The following SPA17 variants were observed in gnomAD, a reference collection of about 807,000 sequenced individuals.
The protein encoded by SPA17 is sperm autoantigenic protein 17, also known as sperm surface protein Sp17.
A neutral mutation model predicts 13.8 loss-of-function variants in SPA17; 7 were observed. The ratio of observed to expected loss-of-function variants is 0.51; its 90% confidence interval spans 0.29 to 0.95. The LOEUF is 0.95. Among genes scored for constraint, SPA17 ranks in the 40% least tolerant of loss-of-function variants. SPA17 has a pLI of 0.08. For missense variants in SPA17, 170 were observed against 179.3 expected, an observed-to-expected ratio of 0.95 and a Z score of 0.30; for synonymous variants, 61 against 59.0, an observed-to-expected ratio of 1.03 and a Z score of -0.16.
At chr11:124,686,784 G>A (rs988154347) in intron 3 of SPA17, among the ~76,000 whole-genome samples, 2 of 152,062 alleles carry the variant, frequency 1.3e-5, no homozygotes, top group East Asian at 1.9e-4. Flanking sequence ...AAAACCTATG[G>A]TATACAGAAA....
chr11:124,688,027 A>C (rs978996178), intron 3 of SPA17, among the ~76,000 whole-genome samples: 24 of 152,132 alleles, frequency 1.6e-4, no homozygotes, highest in Non-Finnish European at 3.2e-4. Context: ...ATGTATATAT[A>C]TTCAGGGATG....
Position 124,694,414 on chromosome 11 carries a change from C to T in SPA17, c.424C>T (p.Leu142Phe). 1.2e-6 allele frequency: 2 copies of T among 1,612,934 alleles called. No individual in the cohort carries two copies. The highest frequency in any genetic ancestry group is 8.5e-7 in the Non-Finnish European group (1 of 1,179,668). Residue 142 changes from leucine to phenylalanine, a missense_variant, in exon 5 of 5, where the codon CTT becomes TTT. Coordinates refer to ENST00000227135, the MANE Select transcript of SPA17 (RefSeq NM_017425.4). ...EEAKKMKTNSLQNEEKEENK is the reference protein window; with the variant it reads ...EEAKKMKTNSFQNEEKEENK ...GGCAAAGAAAATGAAAACAAATAGT[C>T]TTCAAAATGAGGAAAAAGAGGAAAA...
chr11:124,679,021 A>G (rs1252580290), intron 2 of SPA17, among the ~76,000 whole-genome samples: 4 of 151,982 alleles, frequency 2.6e-5, no homozygotes, highest in African/African-American at 9.7e-5. Flanking sequence ...TAAAATTGTT[A>G]AGCTACTCGG....
intron 1 of SPA17, chr11:124,674,401 C>T (rs1225468352): frequency 6.6e-6 from 1 of 152,222 alleles, no homozygotes; most frequent in Non-Finnish European, 1.5e-5. Context: ...TAGTCTGAGC[C>T]TCATTAAACC....
At chr11:124,675,149 G>T (rs1168583965) in intron 1 of SPA17, 89 bp from the exon 2 acceptor site, 6 of 1,287,472 alleles carry the variant, frequency 4.7e-6, no homozygotes, top group African/African-American at 1.5e-5. Context: ...CCAGATGTAT[G>T]AGTCTCAGAA....
chr11:124,676,716 G>C (rs1485855269), intron 2 of SPA17, among the ~76,000 whole-genome samples: 2 of 152,182 alleles, frequency 1.3e-5, no homozygotes, highest in Non-Finnish European at 2.9e-5. Context: ...GAAATCATTT[G>C]GCAATAGACT....
In SPA17 at chr11:124,673,917, A is replaced by C; in HGVS notation, c.-63A>C. ...CGGTTACCCAGCAACTAGAAAAACA[A>C]CCGGAACCGGCGGCACCAGCTCGGA... On this transcript the variant is annotated 5_prime_UTR_variant, in exon 1 of 5. Transcript: ENST00000227135. 1 of 591,316 alleles carries C rather than the reference A, an allele frequency of 1.7e-6. No homozygotes were observed. Among genetic ancestry groups the C allele is most frequent in the Non-Finnish European group, 3.0e-6 (1 of 336,094 alleles). The allele number at this position is 591,316 out of a possible 1,614,324, so 36.6% of individuals were successfully genotyped here.
Position 124,694,710 on chromosome 11 carries a change from G to A in SPA17, c.*264G>A, listed in dbSNP as rs1052910050. Reference sequence around the variant, plus strand: ...TTGGATTTAGAATTATAGAACTAAAGTATCTGAGATTACAGAGATCTCAGA... The same window carrying A: ...TTGGATTTAGAATTATAGAACTAAAATATCTGAGATTACAGAGATCTCAGA... On this transcript the variant is annotated 3_prime_UTR_variant, in exon 5 of 5. Transcript: ENST00000227135. 9.7e-6 allele frequency: 3 copies of A among 308,604 alleles called. No individual in the cohort carries two copies. Among genetic ancestry groups the A allele is most frequent in the African/African-American group, 6.6e-5 (3 of 45,592 alleles). 19.1% of individuals were successfully genotyped at this position (308,604 alleles called of 1,614,324 possible).
intron 3 of SPA17, among the ~76,000 whole-genome samples, chr11:124,690,535 A>T (rs1440737551): frequency 6.6e-6 from 1 of 152,234 alleles, no homozygotes; most frequent in African/African-American, 2.4e-5. Flanking sequence ...TATTTGGGTG[A>T]TGGACACCCT....
intron 3 of SPA17, among the ~76,000 whole-genome samples, chr11:124,686,361 T>C (rs1337821237): frequency 2.0e-5 from 3 of 152,182 alleles, no homozygotes; most frequent in Non-Finnish European, 2.9e-5. Flanking sequence ...AATTACCCAG[T>C]CTCAGGTATT....
chr11:124,679,029 C>T (rs540938362), intron 2 of SPA17, among the ~76,000 whole-genome samples: 21 of 151,348 alleles, frequency 1.4e-4, no homozygotes, highest in East Asian at 1.9e-4. Context: ...TTAAGCTACT[C>T]GGGAGGCTGA....
intron 4 of SPA17, among the ~76,000 whole-genome samples, chr11:124,692,835 A>AAAT (rs1285417793): frequency 6.6e-6 from 1 of 152,150 alleles, no homozygotes. Context: ...AAAATGTCGA[A>AAAT]GTTCAAACTT....
At chr11:124,679,833 A>T (rs763587353) in intron 2 of SPA17, among the ~76,000 whole-genome samples, 3 of 152,224 alleles carry the variant, frequency 2.0e-5, no homozygotes, top group Non-Finnish European at 4.4e-5. Flanking sequence ...CACCTGAATA[A>T]GCTACCACTG....
At chr11:124,674,001 C>G (rs977226900) in intron 1 of SPA17, 49 bp downstream of exon 1, 7 of 463,016 alleles carry the variant, frequency 1.5e-5, no homozygotes, top group Non-Finnish European at 2.7e-5. Flanking sequence ...CTAGCCTTTT[C>G]CCTTCGTCTC....
chr11:124,676,469 G>C (rs1203567037), intron 2 of SPA17, among the ~76,000 whole-genome samples: 1 of 152,178 alleles, frequency 6.6e-6, no homozygotes, highest in Non-Finnish European at 1.5e-5. Context: ...TTTTATAGTG[G>C]AAGAAAACCT....
intron 2 of SPA17, chr11:124,675,993 T>A (rs1943458740): frequency 6.6e-6 from 1 of 152,350 alleles, no homozygotes; most frequent in African/African-American, 2.4e-5. Context: ...TTATATTCTT[T>A]ATGCTAAATT....
intron 3 of SPA17, among the ~76,000 whole-genome samples, chr11:124,689,055 A>T (rs945655087): frequency 1.3e-5 from 2 of 152,238 alleles, no homozygotes; most frequent in East Asian, 3.8e-4. Flanking sequence ...AAGACCATAT[A>T]TTGTGGAAAG....
chr11:124,688,057 A>G (rs1482760853), intron 3 of SPA17, among the ~76,000 whole-genome samples: 3 of 152,238 alleles, frequency 2.0e-5, no homozygotes, highest in Non-Finnish European at 4.4e-5. Context: ...TCTGTCATCC[A>G]GGCTGGAGTG....
chr11:124,690,740 T>C (rs1943616879), intron 3 of SPA17, among the ~76,000 whole-genome samples: 1 of 152,222 alleles, frequency 6.6e-6, no homozygotes, highest in African/African-American at 2.4e-5. Flanking sequence ...AACACTGCTC[T>C]AGACAACTGA....
Sources: allele counts gnomAD v4.1 joint callset (sites outside exome capture counted in the v4.1 genomes callset), GRCh38; gene constraint gnomAD v4.1.1; transcripts MANE v1.5; gene names NCBI Gene and HGNC (gene_info 2026-07-23, HGNC 2026-07-21).